Variants in MACC1 observed in about 807,000 individuals in gnomAD.
MACC1 encodes the protein metastasis-associated in colon cancer protein 1.
In MACC1, 79 loss-of-function variants were observed where a neutral mutation model predicts 70.7. The observed-to-expected ratio is 1.12, with a 90% CI of 0.93 to 1.35. The LOEUF (loss-of-function observed/expected upper bound fraction) is 1.35, where lower values mean the gene tolerates loss of function less well. MACC1 is among the 40% of genes most tolerant of loss of function. The pLI, the probability that MACC1 is intolerant of heterozygous loss-of-function variation, is 0.00. For missense variants in MACC1, 1,106 were observed against 978.1 expected (o/e 1.13, Z -1.74); for synonymous variants, 361 against 347.2 (o/e 1.04, Z -0.44).
chr7:20,143,845 G>C (rs1781846149), intron 6 of MACC1, among the ~76,000 whole-genome samples: 1 of 152,142 alleles, frequency 6.6e-6, no homozygotes, highest in Non-Finnish European at 1.5e-5. Flanking sequence ...AATGCAAGGG[G>C]GAATATTGCC....
intron 1 of MACC1, among the ~76,000 whole-genome samples, chr7:20,209,268 C>T (rs1308628806): frequency 6.6e-6 from 1 of 152,208 alleles, no homozygotes; most frequent in African/African-American, 2.4e-5. Flanking sequence ...CATTTTGTAC[C>T]ATATGCCTGG....
intron 1 of MACC1, among the ~76,000 whole-genome samples, chr7:20,197,048 C>A (rs6976332): frequency 0.011 from 1,665 of 152,252 alleles, 29 homozygotes; most frequent in African/African-American, 0.038. Flanking sequence ...TAGTGAGTGA[C>A]CAGGTCACCC....
At chr7:20,196,593 A>G (rs1458605074) in intron 1 of MACC1, among the ~76,000 whole-genome samples, 1 of 152,002 alleles carries the variant, frequency 6.6e-6, no homozygotes, top group South Asian at 2.1e-4. Flanking sequence ...CCCATTTTAT[A>G]TATATATATA....
intron 1 of MACC1, among the ~76,000 whole-genome samples, chr7:20,176,633 A>T (rs550809424): frequency 1.3e-5 from 2 of 152,190 alleles, no homozygotes. Flanking sequence ...ACAATTGTTT[A>T]TAGCAGCTTA....
In MACC1 at chr7:20,158,654, G is replaced by A. The variant is rs749148830; in HGVS notation, c.1707C>T (p.Phe569=). 6.2e-6 allele frequency: 10 copies of A among 1,613,858 alleles called. No individual in the cohort carries two copies. Among genetic ancestry groups the A allele is most frequent in the South Asian group, 3.3e-5 (3 of 91,086 alleles). ...AVLRQSKIDY[F]LEYFKGDTIA... ...TTGTGTCCCCTTTGAAATATTCAAG[G>A]AAGTAATCAATCTTGCTTTGTCTTA... The change falls in exon 5 of 7, where the codon TTC becomes TTT. Residue 569 remains phenylalanine (F), a synonymous_variant. Coordinates refer to ENST00000400331, the MANE Select transcript of MACC1 (RefSeq NM_182762.4).
chr7:20,196,394 A>G (rs981789410), intron 1 of MACC1, among the ~76,000 whole-genome samples: 1 of 151,952 alleles, frequency 6.6e-6, no homozygotes, highest in Non-Finnish European at 1.5e-5. Context: ...GTTAGCCAGG[A>G]TGGTCTCAAT....
Position 20,146,497 on chromosome 7 carries a change from G to C in MACC1, c.2347-5339C>G, listed in dbSNP as rs146449479. 6.3e-3 allele frequency among the ~76,000 whole-genome samples: 956 copies of C among 152,194 alleles called. 15 individuals carry two copies. Among genetic ancestry groups the C allele is most frequent in the African/African-American group, 0.022 (907 of 41,530 alleles). ...TCTAAATTTTTTAATAAATTACAAA[G>C]AAAATGAAGTCATCTTTTCTGGAAA... On this transcript the variant is annotated intron_variant, in intron 6 of 6. Coordinates refer to ENST00000400331, the MANE Select transcript of MACC1 (RefSeq NM_182762.4).
At chr7:20,154,461 A>G in intron 5 of MACC1, 80 bp from the exon 6 acceptor site, 1 of 1,368,230 alleles carries the variant, frequency 7.3e-7, no homozygotes, top group East Asian at 2.5e-5. Flanking sequence ...TTTATTACAT[A>G]TTCTACAAAT....
chr7:20,204,815 T>C (rs1782885787), intron 1 of MACC1, among the ~76,000 whole-genome samples: 1 of 152,220 alleles, frequency 6.6e-6, no homozygotes, highest in African/African-American at 2.4e-5. Flanking sequence ...GATGATACTT[T>C]ATACTTGATA....
At chr7:20,207,226 C>G (rs143168001) in intron 1 of MACC1, among the ~76,000 whole-genome samples, 1 of 151,926 alleles carries the variant, frequency 6.6e-6, no homozygotes, top group Admixed American at 6.6e-5. Flanking sequence ...CTGCAACCTC[C>G]GCCTCCTAGG....
intron 3 of MACC1, 134 bp from the exon 4 acceptor site, chr7:20,162,004 TG>T (rs1782145787): frequency 1.8e-6 from 1 of 564,744 alleles, no homozygotes. Context: ...CTTCTACTCC[TG>T]GTAGGATACT....
At chr7:20,208,765 G>T (rs780955883) in intron 1 of MACC1, among the ~76,000 whole-genome samples, 2 of 152,196 alleles carry the variant, frequency 1.3e-5, no homozygotes, top group Non-Finnish European at 2.9e-5. Context: ...TGTCTCCGGG[G>T]CATGTCAGAG....
rs181460046 is a variant in MACC1 at position 20,180,210 on chromosome 7, C to T, written c.-217-9432G>A. Among the ~76,000 whole-genome samples the T allele has an allele frequency of 6.7e-3, 1,011 of 151,994 alleles. 17 individuals carry two copies. The highest frequency in any genetic ancestry group is 0.023 in the African/African-American group (941 of 41,472). On this transcript the variant is annotated intron_variant, in intron 1 of 6. Coordinates refer to ENST00000400331, the MANE Select transcript of MACC1 (RefSeq NM_182762.4). ...CTGTAATCCCAGCACTTTGGGAGGC[C>T]GAGGCGGGCAGATCAAGAGGTCAAG...
At chr7:20,197,471 G>A (rs1782771154) in intron 1 of MACC1, among the ~76,000 whole-genome samples, 1 of 152,196 alleles carries the variant, frequency 6.6e-6, no homozygotes, top group Non-Finnish European at 1.5e-5. Flanking sequence ...GAATCTTAGT[G>A]ACTATTTGTT....
intron 1 of MACC1, among the ~76,000 whole-genome samples, chr7:20,189,497 G>T (rs752237809): frequency 7.2e-5 from 11 of 152,180 alleles, no homozygotes; most frequent in Non-Finnish European, 1.6e-4. Flanking sequence ...AAAAGTCATT[G>T]CGGCAAATCA....
intron 1 of MACC1, among the ~76,000 whole-genome samples, chr7:20,175,181 T>G (rs989976795): frequency 2.6e-5 from 4 of 152,116 alleles, no homozygotes; most frequent in Non-Finnish European, 5.9e-5. Flanking sequence ...CCTTATGGCT[T>G]TAACTTTTTT....
At chr7:20,156,277 T>C (rs1360764996) in intron 5 of MACC1, among the ~76,000 whole-genome samples, 1 of 152,226 alleles carries the variant, frequency 6.6e-6, no homozygotes, top group East Asian at 1.9e-4. Context: ...GAACCAGGCC[T>C]GAGCCTCTTC....
chr7:20,154,603 T>A (rs1296640793), intron 5 of MACC1, among the ~76,000 whole-genome samples: 1 of 152,216 alleles, frequency 6.6e-6, no homozygotes, highest in African/African-American at 2.4e-5. Context: ...GATTTAGAAC[T>A]AATTCAGTGG....
At position 20,179,103 on chromosome 7, in the gene MACC1, C is replaced by T. The variant is rs548509693; in HGVS notation, c.-217-8325G>A. Among the ~76,000 whole-genome samples, 5 of 152,246 alleles carry T rather than the reference C, an allele frequency of 3.3e-5. No homozygotes were observed. In the South Asian group the frequency reaches 1.0e-3, roughly 32 times the overall value. On this transcript the variant is annotated intron_variant, in intron 1 of 6. Coordinates refer to ENST00000400331, the MANE Select transcript of MACC1 (RefSeq NM_182762.4). ...TGTGTTCTCAACAAATAAATCAGTG[C>T]TAATGTCCAATTTGTTGAGGTTTTC...
Sources: allele counts gnomAD v4.1 joint callset (sites outside exome capture counted in the v4.1 genomes callset), GRCh38; gene constraint gnomAD v4.1.1; transcripts MANE v1.5; gene names NCBI Gene and HGNC (gene_info 2026-07-23, HGNC 2026-07-21).